Variants in RALGAPA1 observed in about 807,000 individuals in gnomAD.
RALGAPA1 encodes Ral GTPase activating protein catalytic subunit alpha 1, also known as ral GTPase-activating protein subunit alpha-1.
RALGAPA1 carries 52 observed loss-of-function variants against 269.6 expected under a neutral mutation model. The ratio of observed to expected loss-of-function variants is 0.19; its 90% CI spans 0.15 to 0.24. The LOEUF is 0.24. Ranked by LOEUF, RALGAPA1 falls within the 10% of genes least tolerant of loss-of-function variation. The pLI, the probability that RALGAPA1 is intolerant of heterozygous loss-of-function variation, is 1.00. For synonymous variants in RALGAPA1, 817 were observed against 1,008.3 expected (o/e 0.81, Z 3.60); for missense variants, 1,917 against 3,013.9 (o/e 0.64, Z 8.52).
chr14:35,673,826 C>G lies in RALGAPA1; in HGVS notation c.4917+354G>C, dbSNP rs139484423. ...CAAACTCCTGACCTCATGTGATCCA[C>G]CCGGCTCAGCCTCCCAAAGTGCTGC... is the stretch of plus-strand genomic sequence containing the variant. On this transcript the variant is annotated intron_variant, in intron 24 of 41. Transcript: ENST00000680220. Among the ~76,000 whole-genome samples, 797 of 152,252 alleles carry G rather than the reference C, an allele frequency of 5.2e-3. 1 individual carries two copies. The highest frequency in any genetic ancestry group is 0.018 in the African/African-American group (729 of 41,538).
At position 35,579,721 on chromosome 14, in the gene RALGAPA1, T is replaced by C. The variant is rs1407284863; in HGVS notation, c.7210-7003A>G. 4.6e-5 allele frequency among the ~76,000 whole-genome samples: 7 copies of C among 152,144 alleles called. No homozygotes were observed. The East Asian group carries it at 1.2e-3, about 25-fold the overall frequency. ...TGCATTGAACCATTTATATTTTCTG[T>C]TTTCTCAATCCTCTATTCTTGTCAT... On this transcript the variant is annotated intron_variant, in intron 37 of 41. Transcript: ENST00000680220.
chr14:35,658,660 AT>A (rs1334520102), intron 28 of RALGAPA1, among the ~76,000 whole-genome samples: 1 of 151,892 alleles, frequency 6.6e-6, no homozygotes, highest in Non-Finnish European at 1.5e-5. Context: ...TTAGAAAAAA[AT>A]CTAAAACTAT....
intron 39 of RALGAPA1, among the ~76,000 whole-genome samples, chr14:35,558,071 T>A (rs1302768352): frequency 2.0e-5 from 3 of 152,008 alleles, no homozygotes; most frequent in Non-Finnish European, 2.9e-5. Context: ...CCAAGGAGTG[T>A]TTATATAAAT....
At chr14:35,621,516 A>G (rs999697357) in intron 35 of RALGAPA1, among the ~76,000 whole-genome samples, 4 of 152,234 alleles carry the variant, frequency 2.6e-5, no homozygotes, top group African/African-American at 9.6e-5. Flanking sequence ...GACAAATGGG[A>G]TCTGATTAAA....
rs1244809303 is a variant in RALGAPA1 at position 35,724,899 on chromosome 14, T to G, written c.1866+125A>C. Reference sequence around the variant, plus strand: ...TAATAAATAAGAAATAATCTCTAATTTAAAACTTTTTTTTCTGGTAACAAG... The same window carrying G: ...TAATAAATAAGAAATAATCTCTAATGTAAAACTTTTTTTTCTGGTAACAAG... On this transcript the variant is annotated intron_variant, in intron 14 of 41. Coordinates refer to ENST00000680220, the MANE Select transcript of RALGAPA1 (RefSeq NM_001346249.2). 5 of 726,890 alleles carry G rather than the reference T, an allele frequency of 6.9e-6. No homozygotes were observed. In the East Asian group the frequency reaches 1.3e-4, roughly 19 times the overall value. The allele number at this position is 726,890 out of a possible 1,614,324, so 45.0% of individuals were successfully genotyped here.
chr14:35,577,909 AT>A (rs952914683), intron 37 of RALGAPA1, among the ~76,000 whole-genome samples: 2 of 152,028 alleles, frequency 1.3e-5, no homozygotes, highest in Non-Finnish European at 2.9e-5. Context: ...TGAGCTCTTC[AT>A]TTTTTTAAAA....
intron 1 of RALGAPA1, among the ~76,000 whole-genome samples, chr14:35,781,359 TG>T (rs766406047): frequency 5.9e-5 from 9 of 152,034 alleles, no homozygotes; most frequent in Non-Finnish European, 4.4e-5. Context: ...ATTGAATTAG[TG>T]GGGGAAAAAA....
chr14:35,691,641 G>T (rs970772279), intron 17 of RALGAPA1, among the ~76,000 whole-genome samples: 1 of 152,038 alleles, frequency 6.6e-6, no homozygotes, highest in Non-Finnish European at 1.5e-5. Flanking sequence ...AAGTATTTTT[G>T]GGATCCATGC....
intron 28 of RALGAPA1, among the ~76,000 whole-genome samples, chr14:35,658,112 A>C (rs2063318366): frequency 6.6e-6 from 1 of 152,190 alleles, no homozygotes; most frequent in South Asian, 2.1e-4. Context: ...GATTCTATTA[A>C]ACTCTCAAAA....
intron 16 of RALGAPA1, among the ~76,000 whole-genome samples, chr14:35,710,714 G>A (rs887508417): frequency 6.6e-6 from 1 of 152,080 alleles, no homozygotes; most frequent in African/African-American, 2.4e-5. Context: ...AATTTTTACT[G>A]TAGATTTTAC....
At chr14:35,759,423 T>C (rs1463850517) in intron 6 of RALGAPA1, among the ~76,000 whole-genome samples, 1 of 152,142 alleles carries the variant, frequency 6.6e-6, no homozygotes, top group Non-Finnish European at 1.5e-5. Flanking sequence ...CATGAGATCA[T>C]GTGAATGGGC....
intron 4 of RALGAPA1, among the ~76,000 whole-genome samples, chr14:35,769,410 T>C (rs1490204733): frequency 6.6e-6 from 1 of 152,026 alleles, no homozygotes; most frequent in Non-Finnish European, 1.5e-5. Flanking sequence ...TGGGTACTCA[T>C]GGACGTAAAA....
intron 36 of RALGAPA1, among the ~76,000 whole-genome samples, chr14:35,603,156 C>T (rs2059396697): frequency 6.6e-6 from 1 of 152,030 alleles, no homozygotes; most frequent in African/African-American, 2.4e-5. Flanking sequence ...TAAGTTCTGC[C>T]CCAGGATCTA....
chr14:35,651,906 T>C (rs780763607), intron 30 of RALGAPA1, 33 bp from the exon 31 acceptor site: 1 of 1,537,604 alleles, frequency 6.5e-7, no homozygotes, highest in South Asian at 1.2e-5. Flanking sequence ...TTAAAAGCTC[T>C]ATATATGTCA....
At chr14:35,571,794 G>A (rs2057224427) in intron 38 of RALGAPA1, among the ~76,000 whole-genome samples, 1 of 152,156 alleles carries the variant, frequency 6.6e-6, no homozygotes. Context: ...TAGCTTGTGG[G>A]TTGTATGAAA....
At chr14:35,720,064 T>C (rs1032345532) in intron 16 of RALGAPA1, among the ~76,000 whole-genome samples, 2 of 152,198 alleles carry the variant, frequency 1.3e-5, no homozygotes, top group Non-Finnish European at 2.9e-5. Flanking sequence ...CAATTCTTAA[T>C]ACACAAATAT....
At chr14:35,738,327 C>A (rs982001776) in intron 12 of RALGAPA1, among the ~76,000 whole-genome samples, 186 bp downstream of exon 12, 1 of 151,028 alleles carries the variant, frequency 6.6e-6, no homozygotes, top group African/African-American at 2.4e-5. Context: ...TTAAAATTAT[C>A]TAGAATAATA....
At chr14:35,746,485 T>G (rs1324467239) in intron 10 of RALGAPA1, among the ~76,000 whole-genome samples, 1 of 152,226 alleles carries the variant, frequency 6.6e-6, no homozygotes, top group African/African-American at 2.4e-5. Flanking sequence ...TCATCCGCAA[T>G]GTACAGGTAT....
intron 39 of RALGAPA1, among the ~76,000 whole-genome samples, chr14:35,559,044 T>C (rs2055901491): frequency 6.6e-6 from 1 of 152,128 alleles, no homozygotes; most frequent in South Asian, 2.1e-4. Flanking sequence ...AATGCAAAGC[T>C]TCACTAAAAA....
Sources: allele counts gnomAD v4.1 joint callset (sites outside exome capture counted in the v4.1 genomes callset), GRCh38; gene constraint gnomAD v4.1.1; transcripts MANE v1.5; gene names NCBI Gene and HGNC (gene_info 2026-07-23, HGNC 2026-07-21).